IMMP2L: variants seen among roughly 807,000 people sequenced by gnomAD.
The protein encoded by IMMP2L is mitochondrial inner membrane protease subunit 2.
Under a neutral mutation model 19.3 loss-of-function variants are expected in IMMP2L, and 18 were observed. That is an observed-to-expected ratio of 0.93 (90% confidence interval 0.64 to 1.38). The LOEUF is 1.38. Among genes scored for constraint, IMMP2L ranks in the 40% most tolerant of loss-of-function variants. The probability of loss-of-function intolerance (pLI) is 0.00; values close to 1 mark genes in which losing one functional copy is unlikely to be tolerated. For synonymous variants in IMMP2L, 76 were observed against 73.0 expected, an observed-to-expected ratio of 1.04 and a Z score of -0.21; for missense variants, 233 against 218.2, an observed-to-expected ratio of 1.07 and a Z score of -0.43.
chr7:110,993,526 T>A (rs1795753061), intron 3 of IMMP2L, among the ~76,000 whole-genome samples: 1 of 151,638 alleles, frequency 6.6e-6, no homozygotes, highest in Non-Finnish European at 1.5e-5. Context: ...TAAACAGAAG[T>A]CCTCCCCAAA....
intron 4 of IMMP2L, among the ~76,000 whole-genome samples, chr7:110,892,935 C>T (rs1216202713): frequency 6.6e-6 from 1 of 152,110 alleles, no homozygotes; most frequent in Non-Finnish European, 1.5e-5. Flanking sequence ...CACCCTCATC[C>T]TTGGCTTCAG....
chr7:111,119,194 G>A (rs1221866480), intron 3 of IMMP2L, among the ~76,000 whole-genome samples: 1 of 152,152 alleles, frequency 6.6e-6, no homozygotes, highest in Non-Finnish European at 1.5e-5. Context: ...AGTGATTTAT[G>A]GAAACATACA....
intron 3 of IMMP2L, among the ~76,000 whole-genome samples, chr7:111,138,734 C>G (rs1802584199): frequency 6.6e-6 from 1 of 152,070 alleles, no homozygotes; most frequent in South Asian, 2.1e-4. Context: ...GAAAAAAAAT[C>G]AGCTGAAGTC....
intron 4 of IMMP2L, among the ~76,000 whole-genome samples, chr7:110,930,590 C>A (rs529721223): frequency 6.6e-6 from 1 of 152,260 alleles, no homozygotes; most frequent in South Asian, 2.1e-4. Flanking sequence ...CCCTGGGTCA[C>A]AGAAAGTGGC....
intron 3 of IMMP2L, among the ~76,000 whole-genome samples, chr7:111,270,046 T>C (rs1241628918): frequency 2.7e-5 from 4 of 146,892 alleles, no homozygotes; most frequent in Non-Finnish European, 5.9e-5. Context: ...TGTGTGTGCA[T>C]GCATGTGTGT....
chr7:110,881,033 T>C (rs938466406), intron 5 of IMMP2L, among the ~76,000 whole-genome samples: 1 of 152,150 alleles, frequency 6.6e-6, no homozygotes, highest in African/African-American at 2.4e-5. Flanking sequence ...TTCACCACCA[T>C]ATTATGTTTC....
chr7:111,299,970 G>A (rs1256031603), intron 3 of IMMP2L, among the ~76,000 whole-genome samples: 2 of 152,188 alleles, frequency 1.3e-5, no homozygotes, highest in Non-Finnish European at 2.9e-5. Context: ...TGAAATAAAA[G>A]CTGGATAGAC....
chr7:111,425,859 A>T lies in IMMP2L; in HGVS notation c.239+61379T>A, dbSNP rs946220225. ...CTGGTCCAAATAATTAAGACTCGAT[A>T]AAAATCTTGCTAAATTAATCAAACA... On this transcript the variant is annotated intron_variant, in intron 3 of 5. Transcript: ENST00000405709. 2.6e-4 allele frequency among the ~76,000 whole-genome samples: 40 copies of T among 151,316 alleles called. 1 individual carries two copies. The highest frequency in any genetic ancestry group is 9.2e-4 in the African/African-American group (38 of 41,182).
At chr7:110,851,414 G>T (rs1461054889) in intron 5 of IMMP2L, among the ~76,000 whole-genome samples, 4 of 152,134 alleles carry the variant, frequency 2.6e-5, no homozygotes, top group Non-Finnish European at 5.9e-5. Flanking sequence ...GCAAACTTTG[G>T]CCAATGGGAG....
chr7:110,665,348 T>G (rs56946867), intron 5 of IMMP2L, among the ~76,000 whole-genome samples: 4,976 of 152,246 alleles, frequency 0.033, 175 homozygotes, highest in African/African-American at 0.083. Context: ...CATGCTAAAT[T>G]TATCCCTGAA....
intron 3 of IMMP2L, among the ~76,000 whole-genome samples, chr7:111,030,871 T>TGC: frequency 5.4e-5 from 1 of 18,426 alleles, no homozygotes; most frequent in Non-Finnish European, 1.2e-4. Context: ...TGTGTGTATG[T>TGC]GTGTGTGTGT....
chr7:110,793,899 G>A (rs1800656762), intron 5 of IMMP2L, among the ~76,000 whole-genome samples: 1 of 151,956 alleles, frequency 6.6e-6, no homozygotes, highest in African/African-American at 2.4e-5. Context: ...TGGCAAATAA[G>A]CACATGAAAA....
At chr7:111,464,727 C>T (rs1366720163) in intron 3 of IMMP2L, among the ~76,000 whole-genome samples, 4 of 152,142 alleles carry the variant, frequency 2.6e-5, no homozygotes, top group Non-Finnish European at 5.9e-5. Flanking sequence ...TTTACACGGA[C>T]CCTACCCAAC....
intron 5 of IMMP2L, among the ~76,000 whole-genome samples, chr7:110,675,382 A>G (rs563200333): frequency 1.3e-5 from 2 of 152,120 alleles, no homozygotes; most frequent in East Asian, 1.9e-4. Flanking sequence ...AAACAGGCTC[A>G]GTTCTCCCAT....
chr7:110,890,232 C>T (rs258978), intron 4 of IMMP2L, among the ~76,000 whole-genome samples: 77,912 of 151,910 alleles, frequency 0.51, 20,462 homozygotes, highest in East Asian at 0.83. Context: ...AAAACACTAT[C>T]TGTGTTCTGC....
intron 3 of IMMP2L, among the ~76,000 whole-genome samples, chr7:111,257,217 C>T (rs37734): frequency 0.1 from 15,616 of 151,926 alleles, 1,032 homozygotes; most frequent in African/African-American, 0.18. Flanking sequence ...ACTAAAAGAG[C>T]CATCTTAATA....
intron 3 of IMMP2L, among the ~76,000 whole-genome samples, chr7:111,261,879 T>C (rs1306565288): frequency 2.6e-5 from 4 of 152,108 alleles, no homozygotes; most frequent in Admixed American, 6.6e-5. Flanking sequence ...CTAAGAAATA[T>C]GATTTTACCC....
At chr7:111,055,542 CT>C (rs1673028079) in intron 3 of IMMP2L, among the ~76,000 whole-genome samples, 1 of 152,212 alleles carries the variant, frequency 6.6e-6, no homozygotes, top group Non-Finnish European at 1.5e-5. Context: ...CTCTTCCGCA[CT>C]ATCTAACTTT....
At chr7:110,692,329 C>T (rs1345522931) in intron 5 of IMMP2L, among the ~76,000 whole-genome samples, 1 of 151,944 alleles carries the variant, frequency 6.6e-6, no homozygotes, top group Non-Finnish European at 1.5e-5. Flanking sequence ...ATAATGGATG[C>T]TGGAGACTCA....
Sources: allele counts gnomAD v4.1 joint callset (sites outside exome capture counted in the v4.1 genomes callset), GRCh38; gene constraint gnomAD v4.1.1; transcripts MANE v1.5; gene names NCBI Gene and HGNC (gene_info 2026-07-23, HGNC 2026-07-21).